MGAT3: variants seen among roughly 807,000 people sequenced by gnomAD.
MGAT3 encodes the protein beta-1,4-mannosyl-glycoprotein 4-beta-N-acetylglucosaminyltransferase.
A neutral mutation model predicts 29.8 loss-of-function variants in MGAT3; 9 were observed. The observed-to-expected ratio is 0.30, with a 90% CI of 0.18 to 0.53. The LOEUF (loss-of-function observed/expected upper bound fraction) is 0.53, where lower values mean the gene tolerates loss of function less well. Among genes scored for constraint, MGAT3 ranks in the 20% least tolerant of loss-of-function variants. The pLI is 0.96. For missense variants in MGAT3, 557 were observed against 769.5 expected (o/e 0.72, Z 3.27); for synonymous variants, 397 against 348.9 (o/e 1.14, Z -1.54).
chr22:39,488,867 G>A lies in MGAT3; in HGVS notation c.1520G>A (p.Ser507Asn). The A allele has an allele frequency of 1.9e-6, 3 of 1,603,302 alleles. No homozygotes were observed. Among genetic ancestry groups the A allele is most frequent in the South Asian group, 2.2e-5 (2 of 89,694 alleles). The change falls in exon 2 of 2, where the codon AGC (serine) becomes AAC (asparagine). Residue 507 changes from serine to asparagine, a missense_variant. Ser to Asn is a conservative substitution (Grantham distance 46). Around this residue, in one of 3 missense-constraint regions of MGAT3, gnomAD observed 102 missense variants for 97.0 expected, o/e 1.05. Transcript: ENST00000341184. ...GACAACCCCTACCAGGAGCCCAGGA[G>A]CACGGCGGCGGGCGGGTGGCGCCAC... ...LLDNPYQEPR[S>N]TAAGGWRHRG... is the part of the protein sequence containing the mutation.
chr22:39,465,184 C>A (rs1205858431), intron 1 of MGAT3, among the ~76,000 whole-genome samples: 1 of 152,204 alleles, frequency 6.6e-6, no homozygotes, highest in Non-Finnish European at 1.5e-5. Flanking sequence ...ATGCTCTGAA[C>A]TGGGGGCAGG....
chr22:39,462,142 G>A (rs929756116), intron 1 of MGAT3, among the ~76,000 whole-genome samples: 1 of 151,934 alleles, frequency 6.6e-6, no homozygotes, highest in Non-Finnish European at 1.5e-5. Flanking sequence ...CTTGTGATCC[G>A]CCTGCCTCGG....
rs3043636 is a variant in MGAT3 at position 39,459,072 on chromosome 22, CTTTTTTTTTTT to C, written c.-2+1524_-2+1534del. Among the ~76,000 whole-genome samples the C allele has an allele frequency of 3.2e-3, 453 of 141,426 alleles. 4 individuals are homozygous for C. Among genetic ancestry groups the C allele is most frequent in the African/African-American group, 0.01 (406 of 39,092 alleles). 92.8% of individuals were successfully genotyped at this position (141,426 alleles called of 152,430 possible). On this transcript the variant is annotated intron_variant, in intron 1 of 1. Transcript: ENST00000341184. Reference sequence around the variant, plus strand: ...ATTCCTTTTTCTTTTCTTTTCTTTTCTTTTTTTTTTTTTTTTTTTGAGATGGAGCCTCACTC... The same window carrying C: ...ATTCCTTTTTCTTTTCTTTTCTTTTCTTTTTTTTGAGATGGAGCCTCACTC...
intron 1 of MGAT3, among the ~76,000 whole-genome samples, chr22:39,458,876 C>G (rs112202414): frequency 7.8e-4 from 119 of 152,152 alleles, no homozygotes; most frequent in African/African-American, 2.7e-3. Context: ...AGAGGCTGGG[C>G]AGGGAGGCCA....
chr22:39,465,858 G>A (rs936227121), intron 1 of MGAT3, among the ~76,000 whole-genome samples: 4 of 151,934 alleles, frequency 2.6e-5, no homozygotes, highest in South Asian at 2.1e-4. Flanking sequence ...CTTGAACCTG[G>A]GCGGCAGAAG....
At chr22:39,470,407 T>C (rs1321874417) in intron 1 of MGAT3, among the ~76,000 whole-genome samples, 2 of 151,388 alleles carry the variant, frequency 1.3e-5, no homozygotes, top group Admixed American at 6.6e-5. Context: ...AGGTGGGGAG[T>C]GTGGCTGGAG....
chr22:39,480,396 C>T (rs899922990), intron 1 of MGAT3, among the ~76,000 whole-genome samples: 9 of 152,196 alleles, frequency 5.9e-5, no homozygotes, highest in Admixed American at 4.6e-4. Context: ...CAGGTAGGTC[C>T]TAACCACAGT....
At chr22:39,474,674 G>A (rs1233447258) in intron 1 of MGAT3, among the ~76,000 whole-genome samples, 1 of 152,230 alleles carries the variant, frequency 6.6e-6, no homozygotes, top group African/African-American at 2.4e-5. Flanking sequence ...CTCCCTGAGA[G>A]ATAAAGAGCC....
rs769771297 is a variant in MGAT3 at position 39,487,342 on chromosome 22, C to G, written c.-1-5C>G. 1 of 1,609,348 alleles carries G rather than the reference C, an allele frequency of 6.2e-7. No homozygotes were observed. Among genetic ancestry groups the G allele is most frequent in the Non-Finnish European group, 8.5e-7 (1 of 1,178,332 alleles). ...ATGAGTCTCCTGTCTCTCTCTCTCC[C>G]GCAGGATGAAGATGAGACGCTACAA... On this transcript the variant is annotated splice_polypyrimidine_tract_variant and splice_region_variant and intron_variant, in intron 1 of 1. Transcript: ENST00000341184. The surrounding 1 kb of genome is among the most constrained non-coding windows in gnomAD (Gnocchi z 5.7).
At chr22:39,480,022 G>C (rs1601726694) in intron 1 of MGAT3, among the ~76,000 whole-genome samples, 1 of 152,312 alleles carries the variant, frequency 6.6e-6, no homozygotes, top group Admixed American at 6.5e-5. Flanking sequence ...TTTATACATG[G>C]AGGAGTTGAG....
chr22:39,484,492 C>T (rs1028432006), intron 1 of MGAT3, among the ~76,000 whole-genome samples: 1 of 152,018 alleles, frequency 6.6e-6, no homozygotes, highest in Non-Finnish European at 1.5e-5. Flanking sequence ...CCTGCCTCAG[C>T]CTCCCTAGTA....
chr22:39,481,228 C>G (rs1022870195), intron 1 of MGAT3, among the ~76,000 whole-genome samples: 1 of 152,156 alleles, frequency 6.6e-6, no homozygotes, highest in Non-Finnish European at 1.5e-5. Context: ...CTGGAACATT[C>G]TTCCCTGGCG....
At chr22:39,459,291 C>T (rs1199097007) in intron 1 of MGAT3, among the ~76,000 whole-genome samples, 3 of 152,094 alleles carry the variant, frequency 2.0e-5, no homozygotes, top group Non-Finnish European at 4.4e-5. Flanking sequence ...CCAGGCTGGT[C>T]TCGAACTCCT....
intron 1 of MGAT3, among the ~76,000 whole-genome samples, chr22:39,479,454 G>A (rs770251559): frequency 2.0e-5 from 3 of 152,148 alleles, no homozygotes; most frequent in Admixed American, 6.5e-5. Flanking sequence ...GGAGTCTCAG[G>A]AGGCGTGGCT....
At chr22:39,474,840 G>T (rs1339662014) in intron 1 of MGAT3, among the ~76,000 whole-genome samples, 2 of 152,212 alleles carry the variant, frequency 1.3e-5, no homozygotes, top group East Asian at 3.8e-4. Context: ...TCCAGGCTTT[G>T]TGTGTAAGAG....
chr22:39,471,300 A>G (rs1000189159), intron 1 of MGAT3, among the ~76,000 whole-genome samples: 11 of 152,076 alleles, frequency 7.2e-5, no homozygotes, highest in African/African-American at 1.2e-4. Context: ...AGCCCGAAGT[A>G]TGGGGGTCTC....
intron 1 of MGAT3, among the ~76,000 whole-genome samples, chr22:39,468,054 C>T (rs1031351841): frequency 2.6e-5 from 4 of 151,842 alleles, no homozygotes; most frequent in African/African-American, 9.7e-5. Flanking sequence ...CACATCCCCT[C>T]TCCAAGCAGA....
chr22:39,462,083 G>A (rs941764193), intron 1 of MGAT3, among the ~76,000 whole-genome samples: 1 of 152,048 alleles, frequency 6.6e-6, no homozygotes, highest in African/African-American at 2.4e-5. Context: ...TGTATTTTTA[G>A]TAGAGATGGG....
At chr22:39,461,588 C>T (rs1017229149) in intron 1 of MGAT3, among the ~76,000 whole-genome samples, 2 of 152,162 alleles carry the variant, frequency 1.3e-5, no homozygotes, top group South Asian at 4.1e-4. Context: ...ATGTTCCATT[C>T]CCTTGCTGTG....
Sources: gnomAD v4.1 joint callset for allele counts (sites outside exome capture counted in the v4.1 genomes callset) on GRCh38, gnomAD v4.1.1 for gene constraint, gnomAD v4.1.1 regional missense constraint, Gnocchi (gnomAD v3.1) non-coding constraint, MANE v1.5 for transcripts, NCBI Gene and HGNC (gene_info 2026-07-23, HGNC 2026-07-21) for gene names.